AP1S2: variants seen among roughly 807,000 people sequenced by gnomAD.
AP1S2 encodes the protein adaptor related protein complex 1 subunit sigma 2.
AP1S2 carries 1 observed loss-of-function variant against 14.3 expected under a neutral mutation model. The ratio of observed to expected loss-of-function variants is 0.07; its 90% CI spans 0.02 to 0.33. AP1S2 has a LOEUF of 0.33. Among genes scored for constraint, AP1S2 ranks in the 10% least tolerant of loss-of-function variants. The pLI, the probability that AP1S2 is intolerant of heterozygous loss-of-function variation, is 0.99. For synonymous variants in AP1S2, 30 were observed against 40.5 expected (o/e 0.74, Z 0.99); for missense variants, 30 against 117.7 (o/e 0.25, Z 3.45).
At chrX:15,837,389 AGG>A (rs1933675322) in intron 4 of AP1S2, among the ~76,000 whole-genome samples, 1 of 111,226 alleles carries the variant, frequency 9.0e-6, no homozygotes, top group Non-Finnish European at 1.9e-5. Flanking sequence ...GAAAATTCAA[AGG>A]TGTTCTGTCT....
chrX:15,850,726 CACAT>C (rs1384565103), intron 2 of AP1S2, among the ~76,000 whole-genome samples: 18 of 110,131 alleles, frequency 1.6e-4, no homozygotes, highest in African/African-American at 5.6e-4. Flanking sequence ...TTCAGGATCT[CACAT>C]AGTCTCCTAC....
At chrX:15,840,629 T>C in intron 4 of AP1S2, 1 of 812,862 alleles carries the variant, frequency 1.2e-6, no homozygotes, top group Non-Finnish European at 1.7e-6. Context: ...TGGTAAGTGC[T>C]TGACTTTACA....
intron 4 of AP1S2, among the ~76,000 whole-genome samples, chrX:15,834,191 G>T (rs1176091447): frequency 1.9e-5 from 2 of 105,519 alleles, no homozygotes; most frequent in Non-Finnish European, 3.9e-5. Context: ...CAAGTCTACT[G>T]CCAACTCCTC....
Position 15,852,334 on chromosome X carries a change from C to A in AP1S2, c.179+12G>T, listed in dbSNP as rs889589992. The stretch of plus-strand genomic sequence containing the variant: ...GATTCTATTTCACCTTTCTGACAAA[C>A]AAAAATTATACCTTTTGTAAACAAT... On this transcript the variant is annotated intron_variant, in intron 2 of 5. Coordinates refer to ENST00000672987, the MANE Select transcript of AP1S2 (RefSeq NM_001272071.2). 22 of 1,206,291 alleles carry A rather than the reference C, an allele frequency of 1.8e-5. No homozygotes were observed. Among genetic ancestry groups the A allele is most frequent in the Admixed American group, 8.8e-5 (4 of 45,599 alleles).
intron 5 of AP1S2, 32 bp from the exon 6 acceptor site, chrX:15,827,404 C>G (rs1356817879): frequency 8.8e-7 from 1 of 1,135,879 alleles, no homozygotes; most frequent in Admixed American, 2.2e-5. Context: ...CTCTGGTAAG[C>G]AGATCCAGGG....
chrX:15,842,177 A>G (rs755587737), intron 4 of AP1S2, among the ~76,000 whole-genome samples: 25 of 112,293 alleles, frequency 2.2e-4, no homozygotes, highest in Non-Finnish European at 4.5e-4. Context: ...CAGTTTGTGG[A>G]GTGCTTTTTC....
intron 4 of AP1S2, among the ~76,000 whole-genome samples, chrX:15,836,190 T>C (rs1933631956): frequency 8.9e-6 from 1 of 112,145 alleles, no homozygotes; most frequent in Admixed American, 9.4e-5. Flanking sequence ...TAAAATTCTT[T>C]GAAGTGTAAC....
chrX:15,837,360 G>T (rs1430599601), intron 4 of AP1S2, among the ~76,000 whole-genome samples: 2 of 111,545 alleles, frequency 1.8e-5, no homozygotes, highest in Non-Finnish European at 3.8e-5. Context: ...AATCCCTAAA[G>T]TGGCTGGGGA....
rs185015171 is a variant in AP1S2 at position 15,831,990 on chromosome X, A to G, written c.427-3790T>C. On this transcript the variant is annotated intron_variant, in intron 4 of 5. Transcript: ENST00000672987. ...AGAACCTAGAGAAAAATCTTTCCCA[A>G]TAAAAACTGGAAAAGTAGTCACTCA... The G allele has an allele frequency of 2.9e-4, 220 of 750,829 alleles. 1 individual carries two copies. In the African/African-American group the frequency reaches 4.6e-3, roughly 16 times the overall value. The allele number at this position is 750,829 out of a possible 1,213,427, so 61.9% of individuals were successfully genotyped here.
chrX:15,835,760 ACT>A (rs1352805406), intron 4 of AP1S2, among the ~76,000 whole-genome samples: 1 of 110,828 alleles, frequency 9.0e-6, no homozygotes, highest in African/African-American at 3.3e-5. Flanking sequence ...CACGATGTAT[ACT>A]CTTTCATTCA....
chrX:15,828,085 G>A, intron 5 of AP1S2, 107 bp downstream of exon 5: 1 of 536,817 alleles, frequency 1.9e-6, no homozygotes, highest in Non-Finnish European at 2.8e-6. Flanking sequence ...GGACCAAGGA[G>A]GCCAACTTTC....
Position 15,833,224 on chromosome X carries a change from CA to C in AP1S2, c.427-5025del, listed in dbSNP as rs777111607. On this transcript the variant is annotated intron_variant, in intron 4 of 5. Coordinates refer to ENST00000672987, the MANE Select transcript of AP1S2 (RefSeq NM_001272071.2). ...CATTAAAAGAGAAGAGGTGGTTTCC[CA>C]AACAGGGCGGAGTATGCAACCATTC... The C allele has an allele frequency of 2.3e-4, 171 of 752,715 alleles. 1 individual carries two copies. In the African/African-American group the frequency reaches 3.7e-3, roughly 16 times the overall value. The allele number at this position is 752,715 out of a possible 1,213,427, so 62.0% of individuals were successfully genotyped here.
intron 2 of AP1S2, among the ~76,000 whole-genome samples, chrX:15,846,339 T>C (rs1342192107): frequency 3.6e-5 from 4 of 111,926 alleles, no homozygotes; most frequent in Non-Finnish European, 7.5e-5. Context: ...AAACAAAATA[T>C]ATAGCAGATT....
At chrX:15,838,298 T>C (rs1289849593) in intron 4 of AP1S2, among the ~76,000 whole-genome samples, 3 of 111,258 alleles carry the variant, frequency 2.7e-5, no homozygotes, top group Non-Finnish European at 5.7e-5. Context: ...TCCCACTCCA[T>C]GGGAACCACT....
At chrX:15,849,687 G>A in intron 2 of AP1S2, among the ~76,000 whole-genome samples, 1 of 111,967 alleles carries the variant, frequency 8.9e-6, no homozygotes, top group Non-Finnish European at 1.9e-5. Flanking sequence ...ACACCAAGCA[G>A]TGCTTTCCTT....
chrX:15,827,500 T>C, intron 5 of AP1S2, 128 bp from the exon 6 acceptor site: 13 of 634,497 alleles, frequency 2.0e-5, no homozygotes, highest in Non-Finnish European at 3.4e-5. Flanking sequence ...AGTAGCATTC[T>C]AGTTGACAGC....
At chrX:15,838,419 A>T (rs1933721056) in intron 4 of AP1S2, among the ~76,000 whole-genome samples, 1 of 110,983 alleles carries the variant, frequency 9.0e-6, no homozygotes, top group Admixed American at 9.6e-5. Context: ...AAAGGCCCTC[A>T]GAGGAAACAA....
chrX:15,844,938 TAAA>T (rs1310168315), intron 4 of AP1S2: 1 of 710,708 alleles, frequency 1.4e-6, no homozygotes, highest in Non-Finnish European at 1.7e-6. Context: ...GGACATGAGG[TAAA>T]AATATGAGCC....
chrX:15,830,723 A>T (rs1933409493), intron 4 of AP1S2: 1 of 646,315 alleles, frequency 1.5e-6, no homozygotes, highest in South Asian at 7.9e-5. Flanking sequence ...CACTAGTAAA[A>T]TATAAGTATT....
Sources: allele counts gnomAD v4.1 joint callset (sites outside exome capture counted in the v4.1 genomes callset), GRCh38; gene constraint gnomAD v4.1.1; transcripts MANE v1.5; gene names NCBI Gene and HGNC (gene_info 2026-07-23, HGNC 2026-07-21).